Variants in ITPKC observed in about 807,000 individuals in gnomAD.
The protein encoded by ITPKC is IP3 3-kinase C.
In ITPKC, 33 loss-of-function variants were observed where a neutral mutation model predicts 67.1. That is an observed-to-expected ratio of 0.49 (90% CI 0.37 to 0.66). ITPKC has a LOEUF of 0.66. Among genes scored for constraint, ITPKC ranks in the 30% least tolerant of loss-of-function variants. The probability of loss-of-function intolerance (pLI) is 0.00; values close to 1 mark genes in which losing one functional copy is unlikely to be tolerated. For missense variants in ITPKC, 820 were observed against 892.1 expected (o/e 0.92, Z 1.03); for synonymous variants, 341 against 359.8 (o/e 0.95, Z 0.59).
chr19:40,721,466 G>A (rs899123141), intron 1 of ITPKC, among the ~76,000 whole-genome samples: 2 of 151,900 alleles, frequency 1.3e-5, no homozygotes, highest in Admixed American at 1.3e-4. Flanking sequence ...AGCCTCCCGG[G>A]TTCAAGTGAT....
chr19:40,736,930 A>T (rs2082297097), intron 4 of ITPKC, 56 bp from the exon 5 acceptor site: 1 of 1,211,662 alleles, frequency 8.3e-7, no homozygotes, highest in Non-Finnish European at 1.2e-6. Context: ...GTTGCTGGGT[A>T]TTGGGTGCGG....
intron 3 of ITPKC, among the ~76,000 whole-genome samples, chr19:40,730,568 A>AC (rs1288969098): frequency 6.6e-6 from 1 of 151,868 alleles, no homozygotes; most frequent in Non-Finnish European, 1.5e-5. Context: ...AGTAGCTGGG[A>AC]CTATAGGTAT....
intron 3 of ITPKC, among the ~76,000 whole-genome samples, chr19:40,732,464 A>C (rs1306361847): frequency 7.2e-6 from 1 of 138,500 alleles, no homozygotes; most frequent in Non-Finnish European, 1.5e-5. Context: ...CGCGAGGCAG[A>C]GGTTGCAGTG....
chr19:40,729,276 C>G lies in ITPKC; in HGVS notation c.1330C>G (p.Leu444Val). ...CQCEQRSLEQ[L>V]MKDPLRPFVP... ...GTGTGAGCAGCGCAGCCTGGAGCAG[C>G]TGATGAAAGACCCGCTGCGACCTTT... The change falls in exon 3 of 7, where the codon CTG becomes GTG. Residue 444 changes from leucine to valine, a missense_variant. Physicochemically the swap from Leu to Val is conservative, Grantham distance 32. Around this residue, in one of 2 missense-constraint regions of ITPKC, gnomAD observed 339 missense variants for 422.0 expected, o/e 0.80. Transcript: ENST00000263370. The G allele has an allele frequency of 6.2e-7, 1 of 1,614,172 alleles. No individual in the cohort carries two copies. Among genetic ancestry groups the G allele is most frequent in the Non-Finnish European group, 8.5e-7 (1 of 1,180,036 alleles).
chr19:40,724,285 G>T (rs1396602943), intron 1 of ITPKC, among the ~76,000 whole-genome samples: 1 of 152,222 alleles, frequency 6.6e-6, no homozygotes, highest in Non-Finnish European at 1.5e-5. Flanking sequence ...GACTACTCAG[G>T]AGGCTGGGAT....
At chr19:40,732,348 G>A (rs1186061230) in intron 3 of ITPKC, among the ~76,000 whole-genome samples, 8 of 150,352 alleles carry the variant, frequency 5.3e-5, no homozygotes, top group Admixed American at 2.0e-4. Flanking sequence ...GGCCAACATC[G>A]TGAAACCCCA....
At chr19:40,720,377 A>C (rs1419419627) in intron 1 of ITPKC, among the ~76,000 whole-genome samples, 6 of 151,900 alleles carry the variant, frequency 3.9e-5, no homozygotes, top group Non-Finnish European at 8.8e-5. Flanking sequence ...AAAAAAAAAA[A>C]AACAAAAACA....
intron 4 of ITPKC, among the ~76,000 whole-genome samples, chr19:40,734,115 G>C (rs1273915025): frequency 6.6e-6 from 1 of 152,058 alleles, no homozygotes; most frequent in Non-Finnish European, 1.5e-5. Context: ...ATGTTCCTCA[G>C]TACGCATACT....
At chr19:40,719,558 C>T (rs752507433) in intron 1 of ITPKC, among the ~76,000 whole-genome samples, 28 of 151,670 alleles carry the variant, frequency 1.8e-4, no homozygotes, top group Non-Finnish European at 3.7e-4. Context: ...GGTGCCATCT[C>T]GGCTCACTGC....
intron 3 of ITPKC, among the ~76,000 whole-genome samples, chr19:40,730,269 C>G (rs181503248): frequency 2.6e-5 from 4 of 152,214 alleles, no homozygotes; most frequent in African/African-American, 7.2e-5. Flanking sequence ...CTTTCTCCAG[C>G]TGGGTTCAGT....
chr19:40,735,021 C>G (rs557652096), intron 4 of ITPKC, among the ~76,000 whole-genome samples: 4 of 152,154 alleles, frequency 2.6e-5, no homozygotes, highest in Non-Finnish European at 5.9e-5. Context: ...ACCTTGTGAT[C>G]CACCCGCCTT....
At chr19:40,736,255 A>T (rs967540894) in intron 4 of ITPKC, among the ~76,000 whole-genome samples, 4 of 151,630 alleles carry the variant, frequency 2.6e-5, no homozygotes, top group African/African-American at 9.7e-5. Context: ...GCACCACTGC[A>T]CTCCAGCCTG....
In ITPKC at chr19:40,717,327, G is replaced by T. The variant is rs2082194203; in HGVS notation, c.192G>T (p.Gly64=). The change falls in exon 1 of 7, where the codon GGG becomes GGT. Residue 64 remains glycine (G), a synonymous_variant. Transcript: ENST00000263370. ...GCGGGCCCTGGGCCCGGACAGAGGG[G>T]TCCAGCCTCCACAGCGAGCCTGAGA... The part of the protein sequence containing the change: ...EGGGPWARTE[G]SSLHSEPERA... 2 of 1,596,820 alleles carry T rather than the reference G, an allele frequency of 1.3e-6. No homozygotes were observed. The highest frequency in any genetic ancestry group is 1.3e-5 in the African/African-American group (1 of 74,790).
rs2082241037 is a variant in ITPKC at position 40,725,229 on chromosome 19, C to T, written c.1156-111C>T. 5.8e-6 allele frequency: 4 copies of T among 685,002 alleles called. No individual in the cohort carries two copies. The East Asian group carries it at 1.0e-4, about 17-fold the overall frequency. 42.4% of individuals were successfully genotyped at this position (685,002 alleles called of 1,614,324 possible). ...CTGGGAACAGTGATCCCAGGAAGCC[C>T]CTGGCCCTGGAAAGACTGCAGGTCC... On this transcript the variant is annotated intron_variant, in intron 1 of 6. Transcript: ENST00000263370.
chr19:40,738,793 C>T (rs2082307381), intron 6 of ITPKC, among the ~76,000 whole-genome samples: 1 of 152,174 alleles, frequency 6.6e-6, no homozygotes, highest in Non-Finnish European at 1.5e-5. Flanking sequence ...CTACAGTCGA[C>T]CCCTTATCCT....
chr19:40,721,406 T>A (rs1379541450), intron 1 of ITPKC, among the ~76,000 whole-genome samples: 1 of 151,754 alleles, frequency 6.6e-6, no homozygotes, highest in African/African-American at 2.4e-5. Context: ...AGTTTCACTC[T>A]GTTGCCTAGG....
Position 40,717,656 on chromosome 19 carries a change from C to G in ITPKC, c.521C>G (p.Thr174Arg). ...WTQPGVHGPW[T>R]ELETHGSQTQ... ...CAGCCAGGGGTTCATGGGCCCTGGA[C>G]AGAGCTGGAAACGCATGGGTCACAG... Residue 174 changes from threonine to arginine, a missense_variant, in exon 1 of 7, where the codon ACA becomes AGA. Coordinates refer to ENST00000263370, the MANE Select transcript of ITPKC (RefSeq NM_025194.3). 6.2e-7 allele frequency: 1 copy of G among 1,614,096 alleles called. No homozygotes were observed. The highest frequency in any genetic ancestry group is 8.5e-7 in the Non-Finnish European group (1 of 1,180,010).
chr19:40,739,319 C>T (rs2082311777), intron 6 of ITPKC, 38 bp from the exon 7 acceptor site: 1 of 1,536,540 alleles, frequency 6.5e-7, no homozygotes. Flanking sequence ...TTGGCCAGTG[C>T]CTGCTCCTCC....
chr19:40,718,293 G>T lies in ITPKC; in HGVS notation c.1155+3G>T. On this transcript the variant is annotated splice_donor_region_variant and intron_variant, in intron 1 of 6. Transcript: ENST00000263370. ...GCGATCCCGAGGACAGGTCTGGGGT[G>T]AGTGGGACCCATCCTGCCCTTGAGC... 6.6e-7 allele frequency: 1 copy of T among 1,503,994 alleles called. No homozygotes were observed. 93.2% of individuals were successfully genotyped at this position (1,503,994 alleles called of 1,614,324 possible).
Sources: allele counts gnomAD v4.1 joint callset (sites outside exome capture counted in the v4.1 genomes callset), GRCh38; gene constraint gnomAD v4.1.1; regional missense constraint gnomAD v4.1.1; transcripts MANE v1.5; gene names NCBI Gene and HGNC (gene_info 2026-07-23, HGNC 2026-07-21).